The following DENND4C variants were observed in gnomAD, a reference collection of about 807,000 sequenced individuals.
The protein encoded by DENND4C is DENN domain containing 4C, also known as DENN domain-containing protein 4C.
Under a neutral mutation model 203.0 loss-of-function variants are expected in DENND4C, and 108 were observed. The ratio of observed to expected loss-of-function variants is 0.53; its 90% CI spans 0.46 to 0.62. The LOEUF is 0.62. DENND4C is among the 20% of genes least tolerant of loss of function. The probability of loss-of-function intolerance (pLI) is 0.00; values close to 1 mark genes in which losing one functional copy is unlikely to be tolerated. For synonymous variants in DENND4C, 871 were observed against 792.4 expected, an observed-to-expected ratio of 1.10 and a Z score of -1.67; for missense variants, 2,481 against 2,301.2, an observed-to-expected ratio of 1.08 and a Z score of -1.60.
chr9:19,355,667 T>A (rs1048106581), intron 26 of DENND4C, among the ~76,000 whole-genome samples: 3 of 152,206 alleles, frequency 2.0e-5, no homozygotes, highest in Non-Finnish European at 4.4e-5. Context: ...TTGGTCCTTG[T>A]GTTGTATCTC....
rs1413733662 is a variant in DENND4C, at chr9:19,336,739, G to A, written c.2788G>A (p.Val930Met). 2 of 1,551,080 alleles carry A rather than the reference G, an allele frequency of 1.3e-6. No individual in the cohort carries two copies. The highest frequency in any genetic ancestry group is 1.7e-6 in the Non-Finnish European group (2 of 1,147,076). Residue 930 changes from valine (V) to methionine (M), a missense_variant, in exon 20 of 33, where the codon GTG becomes ATG. Coordinates refer to ENST00000434457, the MANE Select transcript of DENND4C (RefSeq NM_001330640.2). ...TGGGGACACGGTGAGCCACGGTAGT[G>A]TGGATAGTTCTAATGATGCTAACAA... ...SDGDTVSHGS[V>M]DSSNDANNGE...
intron 1 of DENND4C, among the ~76,000 whole-genome samples, chr9:19,232,667 T>C (rs766548048): frequency 6.6e-6 from 1 of 152,068 alleles, no homozygotes; most frequent in Non-Finnish European, 1.5e-5. Flanking sequence ...ATAGTTGGAG[T>C]GTGGAGACTA....
intron 1 of DENND4C, among the ~76,000 whole-genome samples, chr9:19,268,911 A>G (rs1188335847): frequency 6.6e-6 from 1 of 152,032 alleles, no homozygotes; most frequent in African/African-American, 2.4e-5. Context: ...GTCTGGAGGT[A>G]GTTTTGAGTT....
chr9:19,370,666 A>G (rs1378957613), intron 31 of DENND4C, among the ~76,000 whole-genome samples: 2 of 152,242 alleles, frequency 1.3e-5, no homozygotes, highest in Admixed American at 6.5e-5. Flanking sequence ...GAATAGGAGC[A>G]GAAACAATGT....
intron 13 of DENND4C, 117 bp downstream of exon 13, chr9:19,324,624 T>G: frequency 9.9e-7 from 1 of 1,013,148 alleles, no homozygotes; most frequent in Non-Finnish European, 1.4e-6. Flanking sequence ...GTTGTGTATG[T>G]GTGTGTATGT....
intron 1 of DENND4C, among the ~76,000 whole-genome samples, chr9:19,271,446 C>A (rs541913557): frequency 5.9e-5 from 9 of 152,160 alleles, no homozygotes; most frequent in African/African-American, 1.9e-4. Flanking sequence ...AGTGATCCGC[C>A]TACCTCTGGC....
rs755820575 is a variant in DENND4C at position 19,299,234 on chromosome 9, A to G, written c.1113A>G (p.Ser371=). The G allele has an allele frequency of 1.3e-6, 2 of 1,561,266 alleles. No individual in the cohort carries two copies. Among genetic ancestry groups the G allele is most frequent in the African/African-American group, 1.4e-5 (1 of 70,698 alleles). ...ATCTTTTTTTTTTTTTTAAGCTGTCAGTCCATGATGCATTAATATTATCAC... is the reference window on the plus strand; with the variant it reads ...ATCTTTTTTTTTTTTTTAAGCTGTCGGTCCATGATGCATTAATATTATCAC... ...PQRPRILVQL[S]VHDALILSQP... The change falls in exon 8 of 33, where the codon TCA becomes TCG. Residue 371 remains serine, a synonymous_variant. Coordinates refer to ENST00000434457, the MANE Select transcript of DENND4C (RefSeq NM_001330640.2).
intron 1 of DENND4C, among the ~76,000 whole-genome samples, chr9:19,234,950 CT>C (rs71333102): frequency 0.081 from 11,466 of 142,246 alleles, 490 homozygotes; most frequent in South Asian, 0.16. Flanking sequence ...AGTCAACTTT[CT>C]TTTTTTTTTT....
intron 10 of DENND4C, among the ~76,000 whole-genome samples, chr9:19,308,958 A>G (rs1383126056): frequency 3.3e-5 from 5 of 152,206 alleles, no homozygotes; most frequent in Admixed American, 2.0e-4. Flanking sequence ...ATGAACCTTG[A>G]AAACATTATG....
At chr9:19,291,243 G>A (rs1350849007) in intron 5 of DENND4C, 2 of 160,388 alleles carry the variant, frequency 1.2e-5, no homozygotes, top group South Asian at 3.7e-4. Flanking sequence ...TATAAAGGAT[G>A]TTATAAATTA....
At chr9:19,290,120 G>T (rs1411542127) in intron 4 of DENND4C, among the ~76,000 whole-genome samples, 1 of 152,148 alleles carries the variant, frequency 6.6e-6, no homozygotes, top group Non-Finnish European at 1.5e-5. Flanking sequence ...CAGATGCCAT[G>T]TAGCTAATTT....
At chr9:19,262,443 CAT>C (rs1322665005) in intron 1 of DENND4C, among the ~76,000 whole-genome samples, 1 of 130,706 alleles carries the variant, frequency 7.7e-6, no homozygotes, top group Non-Finnish European at 1.6e-5. Flanking sequence ...CCAAATATAT[CAT>C]ATCTTTTTTT....
At chr9:19,272,009 A>G (rs963092162) in intron 1 of DENND4C, among the ~76,000 whole-genome samples, 2 of 152,238 alleles carry the variant, frequency 1.3e-5, no homozygotes, top group Non-Finnish European at 2.9e-5. Flanking sequence ...GATCAATGGA[A>G]CAGAATAAAG....
rs1303082203 is a variant in DENND4C at position 19,290,766 on chromosome 9, C to T, written c.691C>T (p.Pro231Ser). The T allele has an allele frequency of 6.2e-7, 1 of 1,602,204 alleles. No individual in the cohort carries two copies. The highest frequency in any genetic ancestry group is 1.1e-5 in the South Asian group (1 of 88,784). Residue 231 changes from proline to serine, a missense_variant, in exon 5 of 33, where the codon CCT becomes TCT. Pro to Ser is a moderately conservative substitution (Grantham distance 74). Around this residue, in one of 3 missense-constraint regions of DENND4C, gnomAD observed 2,289 missense variants for 2,113.3 expected, o/e 1.08. Transcript: ENST00000434457. ...ESFPLSESDV[P>S]LFCLPMGATI... ...ATTTCCACTCTCAGAATCAGATGTA[C>T]CTCTTTTCTGCCTTCCTATGGGAGC...
chr9:19,302,444 C>A (rs1295298940), intron 9 of DENND4C, among the ~76,000 whole-genome samples: 3 of 152,140 alleles, frequency 2.0e-5, no homozygotes. Context: ...GTGTAACATA[C>A]CTTTTGTTGA....
At chr9:19,258,499 C>A (rs1400490006) in intron 1 of DENND4C, among the ~76,000 whole-genome samples, 1 of 152,118 alleles carries the variant, frequency 6.6e-6, no homozygotes, top group Non-Finnish European at 1.5e-5. Context: ...CAGATCATGA[C>A]CCAAGTGGGG....
intron 12 of DENND4C, among the ~76,000 whole-genome samples, chr9:19,317,482 A>G (rs1842052508): frequency 6.6e-6 from 1 of 152,206 alleles, no homozygotes; most frequent in Non-Finnish European, 1.5e-5. Context: ...TTATTCAGCT[A>G]CTGTTATATA....
intron 10 of DENND4C, among the ~76,000 whole-genome samples, chr9:19,312,289 G>C (rs1053699589): frequency 6.6e-6 from 1 of 152,038 alleles, no homozygotes; most frequent in Non-Finnish European, 1.5e-5. Context: ...TTTTTGTAGA[G>C]ATGGGGTTTC....
At chr9:19,308,923 T>TA (rs1351214567) in intron 10 of DENND4C, among the ~76,000 whole-genome samples, 2 of 152,230 alleles carry the variant, frequency 1.3e-5, no homozygotes, top group Middle Eastern at 3.2e-3. Context: ...TTAATGGCTT[T>TA]AAAATTAAGT....
Sources: gnomAD v4.1 joint callset for allele counts (sites outside exome capture counted in the v4.1 genomes callset) on GRCh38, gnomAD v4.1.1 for gene constraint, gnomAD v4.1.1 regional missense constraint, MANE v1.5 for transcripts, NCBI Gene and HGNC (gene_info 2026-07-23, HGNC 2026-07-21) for gene names.